The following KCNIP1 variants were observed in gnomAD, a reference collection of about 807,000 sequenced individuals.
KCNIP1 encodes the protein A-type potassium channel modulatory protein KCNIP1.
KCNIP1 carries 18 observed loss-of-function variants against 33.0 expected under a neutral mutation model. The ratio of observed to expected loss-of-function variants is 0.55; its 90% CI spans 0.38 to 0.81. KCNIP1 has a LOEUF of 0.81. KCNIP1 is among the 30% of genes least tolerant of loss of function. The pLI is 0.00. For missense variants in KCNIP1, 238 were observed against 271.6 expected (o/e 0.88, Z 0.87); for synonymous variants, 93 against 98.3 (o/e 0.95, Z 0.32).
chr5:170,410,062 G>C (rs546604671), intron 1 of KCNIP1, among the ~76,000 whole-genome samples: 1 of 152,346 alleles, frequency 6.6e-6, no homozygotes, highest in South Asian at 2.1e-4. Flanking sequence ...CTAAGATCCA[G>C]TGTAACTATC....
chr5:170,576,198 C>T (rs1026368963), intron 1 of KCNIP1, among the ~76,000 whole-genome samples: 1 of 152,316 alleles, frequency 6.6e-6, no homozygotes, highest in African/African-American at 2.4e-5. Context: ...TAAGCAGGGG[C>T]ACTCTGCATA....
chr5:170,393,885 A>G (rs1468775501), intron 1 of KCNIP1, among the ~76,000 whole-genome samples: 4 of 152,142 alleles, frequency 2.6e-5, no homozygotes, highest in Non-Finnish European at 4.4e-5. Flanking sequence ...TGAGACAAAG[A>G]GGAGCATAAA....
intron 1 of KCNIP1, among the ~76,000 whole-genome samples, chr5:170,476,220 C>G (rs1756854706): frequency 6.6e-6 from 1 of 152,214 alleles, no homozygotes; most frequent in Non-Finnish European, 1.5e-5. Flanking sequence ...ATCCATCAGC[C>G]TTGGCCTCCC....
intron 1 of KCNIP1, among the ~76,000 whole-genome samples, chr5:170,433,748 A>C (rs545691925): frequency 6.6e-6 from 1 of 152,356 alleles, no homozygotes; most frequent in East Asian, 1.9e-4. Flanking sequence ...GCTGTATGTC[A>C]CGCACTATGC....
At chr5:170,469,528 G>A (rs1224618912) in intron 1 of KCNIP1, among the ~76,000 whole-genome samples, 3 of 152,088 alleles carry the variant, frequency 2.0e-5, no homozygotes, top group African/African-American at 7.2e-5. Context: ...TCTGGGTTGT[G>A]CCCAAACTTC....
At chr5:170,435,729 G>A (rs1474501163) in intron 1 of KCNIP1, among the ~76,000 whole-genome samples, 2 of 152,140 alleles carry the variant, frequency 1.3e-5, no homozygotes, top group Admixed American at 6.6e-5. Flanking sequence ...AGTAAGTGAG[G>A]GACCACGTGC....
intron 1 of KCNIP1, among the ~76,000 whole-genome samples, chr5:170,374,407 G>A (rs1763932279): frequency 6.6e-6 from 1 of 152,124 alleles, no homozygotes; most frequent in Non-Finnish European, 1.5e-5. Flanking sequence ...TTCATAAATA[G>A]AAGAAACCCT....
intron 1 of KCNIP1, among the ~76,000 whole-genome samples, chr5:170,386,211 C>T (rs1047027302): frequency 6.6e-6 from 1 of 151,942 alleles, no homozygotes; most frequent in African/African-American, 2.4e-5. Flanking sequence ...AAATGTAATC[C>T]CAAGGGTCCT....
chr5:170,588,748 G>T (rs1394334951), intron 1 of KCNIP1, among the ~76,000 whole-genome samples: 2 of 152,150 alleles, frequency 1.3e-5, no homozygotes, highest in Non-Finnish European at 2.9e-5. Context: ...ATTCGGTCTG[G>T]CTGTCAATGA....
intron 1 of KCNIP1, among the ~76,000 whole-genome samples, chr5:170,603,892 T>A (rs1392922930): frequency 1.4e-5 from 2 of 138,016 alleles, no homozygotes; most frequent in Admixed American, 6.9e-5. Flanking sequence ...ACATTTGTGT[T>A]TCAGGAAAAC....
Position 170,504,761 on chromosome 5 carries a change from A to C in KCNIP1, c.61+128A>C. 1.3e-6 allele frequency: 1 copy of C among 779,740 alleles called. No individual in the cohort carries two copies. Among genetic ancestry groups the C allele is most frequent in the Non-Finnish European group, 2.2e-6 (1 of 463,220 alleles). The allele number at this position is 779,740 out of a possible 1,614,324, so 48.3% of individuals were successfully genotyped here. A position where few individuals can be genotyped will look rare whatever the true frequency, so the allele number is the denominator to read the frequency against. On this transcript the variant is annotated intron_variant, in intron 1 of 7. Coordinates refer to ENST00000328939, the MANE Select transcript of KCNIP1 (RefSeq NM_014592.4). This position sits in a 1 kb window ranked among gnomAD's most constrained non-coding sequence, Gnocchi z 6.0. ...ACGAGGAGCCCGGACAGGTGCTTGTATCCAAAGGAGAGAGAAATCGGCGGG... is the reference window on the plus strand; with the variant it reads ...ACGAGGAGCCCGGACAGGTGCTTGTCTCCAAAGGAGAGAGAAATCGGCGGG...
intron 1 of KCNIP1, among the ~76,000 whole-genome samples, chr5:170,611,248 T>C (rs1759140214): frequency 6.6e-6 from 1 of 152,208 alleles, no homozygotes; most frequent in African/African-American, 2.4e-5. Context: ...ATGTATCTGG[T>C]TCAAGCCCCT....
chr5:170,383,802 C>G (rs1339847221), intron 1 of KCNIP1: 1 of 1,614,120 alleles, frequency 6.2e-7, no homozygotes, highest in Non-Finnish European at 8.5e-7. Flanking sequence ...CCTCCTGGTC[C>G]CTGATGTTGG....
chr5:170,618,080 ATGGGAGCATTTCTGC>A (rs2113634375), intron 1 of KCNIP1, among the ~76,000 whole-genome samples: 1 of 152,298 alleles, frequency 6.6e-6, no homozygotes, highest in South Asian at 2.1e-4. Flanking sequence ...ACCACTGGAG[ATGGGAGCATTTCTGC>A]TGGTTTCATT....
intron 1 of KCNIP1, among the ~76,000 whole-genome samples, chr5:170,532,637 A>G (rs1243027361): frequency 6.6e-6 from 1 of 152,074 alleles, no homozygotes; most frequent in Non-Finnish European, 1.5e-5. Flanking sequence ...TGGCCTGTAC[A>G]TATCTTGTAG....
intron 1 of KCNIP1, among the ~76,000 whole-genome samples, chr5:170,699,444 T>C (rs891390715): frequency 2.0e-5 from 3 of 152,054 alleles, no homozygotes; most frequent in Non-Finnish European, 2.9e-5. Context: ...GCTTCAATAA[T>C]TATCACACCT....
At chr5:170,605,258 A>G (rs919659100) in intron 1 of KCNIP1, among the ~76,000 whole-genome samples, 4 of 152,022 alleles carry the variant, frequency 2.6e-5, no homozygotes, top group East Asian at 1.9e-4. Context: ...TGTCCTCACT[A>G]TGACGGCTGG....
chr5:170,416,128 TCTCA>T (rs1280334131), intron 1 of KCNIP1, among the ~76,000 whole-genome samples: 1 of 152,000 alleles, frequency 6.6e-6, no homozygotes, highest in East Asian at 1.9e-4. Flanking sequence ...CCTGGCCCAC[TCTCA>T]CTCTCCTCTC....
At chr5:170,622,622 C>CAAA (rs371896008) in intron 1 of KCNIP1, among the ~76,000 whole-genome samples, 32,396 of 103,116 alleles carry the variant, frequency 0.31, 4,735 homozygotes, top group East Asian at 0.55. Context: ...GACTCTGTCT[C>CAAA]AAAAAAAAAA....
Sources: gnomAD v4.1 joint callset for allele counts (sites outside exome capture counted in the v4.1 genomes callset) on GRCh38, gnomAD v4.1.1 for gene constraint, Gnocchi (gnomAD v3.1) non-coding constraint, MANE v1.5 for transcripts, NCBI Gene and HGNC (gene_info 2026-07-23, HGNC 2026-07-21) for gene names.